Variants in MAP4K4 observed in about 807,000 individuals in gnomAD.
MAP4K4 encodes HPK/GCK-like kinase HGK.
In MAP4K4, 38 loss-of-function variants were observed where a neutral mutation model predicts 189.6. The ratio of observed to expected loss-of-function variants is 0.20; its 90% CI spans 0.15 to 0.26. The LOEUF (loss-of-function observed/expected upper bound fraction) is 0.26. Ranked by LOEUF, MAP4K4 falls within the 10% of genes least tolerant of loss-of-function variation. The pLI, the probability that MAP4K4 is intolerant of heterozygous loss-of-function variation, is 1.00. For synonymous variants in MAP4K4, 610 were observed against 624.3 expected, an observed-to-expected ratio of 0.98 and a Z score of 0.34; for missense variants, 1,054 against 1,726.9, an observed-to-expected ratio of 0.61 and a Z score of 6.91.
intron 2 of MAP4K4, among the ~76,000 whole-genome samples, chr2:101,714,511 A>T (rs2047381264): frequency 6.6e-6 from 1 of 152,230 alleles, no homozygotes. Context: ...CAATTATGTT[A>T]TATAACTAAT....
In MAP4K4 at chr2:101,866,696, A is replaced by C. The variant is rs535963204; in HGVS notation, c.2356+117A>C. 20 of 1,302,674 alleles carry C rather than the reference A, an allele frequency of 1.5e-5. No individual in the cohort carries two copies. The African/African-American group carries it at 3.0e-4, about 19-fold the overall frequency. 80.7% of individuals were successfully genotyped at this position (1,302,674 alleles called of 1,614,324 possible). On this transcript the variant is annotated intron_variant, in intron 19 of 32. Coordinates refer to ENST00000324219, the Ensembl canonical transcript of MAP4K4. ...GCCACACGTCACAAAACAATGTTTT[A>C]GCATAGGTTGCTAGTGACAATAATA... is the stretch of plus-strand genomic sequence containing the variant.
Position 101,832,847 on chromosome 2 carries a change from C to A in MAP4K4, c.639+996C>A, listed in dbSNP as rs578250321. Among the ~76,000 whole-genome samples the A allele has an allele frequency of 2.8e-5, 4 of 145,420 alleles. No individual in the cohort carries two copies. In the East Asian group the frequency reaches 6.1e-4, roughly 22 times the overall value. ...AAACTGACTTTCTGAAGAGCCTGGGCCTGTTGTCTAATGTTCTACCCTCTA... is the reference window on the plus strand; with the variant it reads ...AAACTGACTTTCTGAAGAGCCTGGGACTGTTGTCTAATGTTCTACCCTCTA... On this transcript the variant is annotated intron_variant, in intron 7 of 32. Coordinates refer to ENST00000324219, the Ensembl canonical transcript of MAP4K4.
intron 2 of MAP4K4, among the ~76,000 whole-genome samples, chr2:101,782,804 G>A (rs144022849): frequency 1.3e-5 from 2 of 152,172 alleles, no homozygotes; most frequent in African/African-American, 2.4e-5. Context: ...ATGGCTCCTG[G>A]AGAGCTGTCT....
chr2:101,723,960 G>A (rs1450790717), intron 2 of MAP4K4, among the ~76,000 whole-genome samples: 2 of 152,182 alleles, frequency 1.3e-5, no homozygotes, highest in Non-Finnish European at 2.9e-5. Context: ...AGGAAGGTCG[G>A]CTGACATTTT....
At chr2:101,853,402 A>T (rs1200310310) in intron 12 of MAP4K4, among the ~76,000 whole-genome samples, 1 of 152,196 alleles carries the variant, frequency 6.6e-6, no homozygotes, top group South Asian at 2.1e-4. Context: ...TATTTATGGA[A>T]CAAGAATACT....
At chr2:101,735,983 G>A (rs776019547) in intron 2 of MAP4K4, among the ~76,000 whole-genome samples, 3 of 152,140 alleles carry the variant, frequency 2.0e-5, no homozygotes, top group Non-Finnish European at 4.4e-5. Context: ...TACTGATGGT[G>A]TTTTCCCTGT....
intron 16 of MAP4K4, chr2:101,861,319 A>G (rs901658821): frequency 3.1e-5 from 6 of 195,044 alleles, no homozygotes; most frequent in Non-Finnish European, 6.3e-5. Context: ...TTATAAATAC[A>G]TAGAGGGAGA....
chr2:101,825,559 C>G, intron 5 of MAP4K4, 130 bp downstream of exon 5: 1 of 507,336 alleles, frequency 2.0e-6, no homozygotes, highest in Non-Finnish European at 3.5e-6. Context: ...GCCAAGGGTT[C>G]TGTATATCTA....
At chr2:101,837,623 C>T (rs570648883) in intron 9 of MAP4K4, among the ~76,000 whole-genome samples, 2 of 152,124 alleles carry the variant, frequency 1.3e-5, no homozygotes, top group Non-Finnish European at 2.9e-5. Context: ...GCTGATGTCA[C>T]CAAGGAATCA....
chr2:101,814,242 C>T (rs2095591111), intron 3 of MAP4K4, among the ~76,000 whole-genome samples: 1 of 152,096 alleles, frequency 6.6e-6, no homozygotes, highest in Non-Finnish European at 1.5e-5. Context: ...AATTTTGTCA[C>T]CTAAATTTTT....
In MAP4K4 at chr2:101,806,613, C is replaced by T. The variant is rs560604320; in HGVS notation, c.180+15837C>T. ...CAGGCTGGTGTCGAACTCCTGACCT[C>T]GTGATCCGCCCGCCTTGGCCTCCCA... On this transcript the variant is annotated intron_variant, in intron 3 of 32. Coordinates refer to ENST00000324219, the Ensembl canonical transcript of MAP4K4. 1.0e-3 allele frequency among the ~76,000 whole-genome samples: 154 copies of T among 152,246 alleles called. 2 individuals carry two copies. The highest frequency in any genetic ancestry group is 3.6e-3 in the African/African-American group (148 of 41,548).
exon 17 of MAP4K4, chr2:101,863,831 C>T (rs376658983): frequency 2.2e-6 from 3 of 1,367,288 alleles, no homozygotes; most frequent in Non-Finnish European, 2.9e-6. Context: ...GTACAGTGGT[C>T]CCACCTGGCA....
At chr2:101,797,642 TAA>T in intron 3 of MAP4K4, among the ~76,000 whole-genome samples, 1 of 152,160 alleles carries the variant, frequency 6.6e-6, no homozygotes, top group East Asian at 1.9e-4. Context: ...TGTAGATAGA[TAA>T]AAGGCCACAA....
At chr2:101,779,001 AG>A (rs1459013634) in intron 2 of MAP4K4, among the ~76,000 whole-genome samples, 2 of 152,090 alleles carry the variant, frequency 1.3e-5, no homozygotes, top group Non-Finnish European at 2.9e-5. Context: ...TCTGTAAAAT[AG>A]GGATGTTTTT....
intron 21 of MAP4K4, 112 bp from the exon 22 acceptor site, chr2:101,869,510 A>G (rs1380281026): frequency 3.8e-6 from 3 of 792,654 alleles, no homozygotes; most frequent in Middle Eastern, 4.7e-4. Flanking sequence ...CTGGGTAACT[A>G]TAAAAGTCTT....
chr2:101,779,394 T>C (rs1350275706), intron 2 of MAP4K4, among the ~76,000 whole-genome samples: 1 of 152,228 alleles, frequency 6.6e-6, no homozygotes, highest in Non-Finnish European at 1.5e-5. Context: ...TTAGTAAAGC[T>C]ATAAAACTGC....
intron 2 of MAP4K4, among the ~76,000 whole-genome samples, chr2:101,708,319 A>T (rs781292979): frequency 6.6e-5 from 10 of 152,232 alleles, no homozygotes; most frequent in Non-Finnish European, 1.3e-4. Context: ...GAACAATAAC[A>T]ATACCAACAG....
intron 2 of MAP4K4, among the ~76,000 whole-genome samples, chr2:101,750,838 A>G (rs530386771): frequency 1.3e-5 from 2 of 151,182 alleles, no homozygotes; most frequent in South Asian, 2.1e-4. Flanking sequence ...AAAAAAAAAA[A>G]GAAGGAACAA....
chr2:101,774,603 T>C (rs963253261), intron 2 of MAP4K4, among the ~76,000 whole-genome samples: 2 of 152,216 alleles, frequency 1.3e-5, no homozygotes, highest in Non-Finnish European at 2.9e-5. Context: ...TTTGGGTGCC[T>C]GTGCTTGTGA....
Sources: allele counts gnomAD v4.1 joint callset (sites outside exome capture counted in the v4.1 genomes callset), GRCh38; gene constraint gnomAD v4.1.1; transcripts MANE v1.5; gene names NCBI Gene and HGNC (gene_info 2026-07-23, HGNC 2026-07-21).